The following PDE4D variants were observed in gnomAD, a reference collection of about 807,000 sequenced individuals.
The protein encoded by PDE4D is phosphodiesterase 4D.
PDE4D carries 24 observed loss-of-function variants against 87.4 expected under a neutral mutation model. The observed-to-expected ratio is 0.27, with a 90% CI of 0.20 to 0.39. The LOEUF (loss-of-function observed/expected upper bound fraction) is 0.39. Among genes scored for constraint, PDE4D ranks in the 10% least tolerant of loss-of-function variants. The pLI, the probability that PDE4D is intolerant of heterozygous loss-of-function variation, is 1.00. For synonymous variants in PDE4D, 384 were observed against 383.2 expected, an observed-to-expected ratio of 1.00 and a Z score of -0.02; for missense variants, 714 against 1,041.0, an observed-to-expected ratio of 0.69 and a Z score of 4.32.
At chr5:59,739,842 T>C (rs1409257613) in intron 1 of PDE4D, among the ~76,000 whole-genome samples, 1 of 152,148 alleles carries the variant, frequency 6.6e-6, no homozygotes, top group Non-Finnish European at 1.5e-5. Flanking sequence ...AAGAGAATGG[T>C]TGAATAAAAG....
At chr5:59,573,639 A>C (rs1034713396) in intron 1 of PDE4D, among the ~76,000 whole-genome samples, 10 of 152,038 alleles carry the variant, frequency 6.6e-5, no homozygotes, top group African/African-American at 2.4e-4. Context: ...CCCTTAGAGC[A>C]CTTGAGCACC....
chr5:59,340,699 G>T (rs917374941), intron 1 of PDE4D, among the ~76,000 whole-genome samples: 12 of 151,748 alleles, frequency 7.9e-5, no homozygotes, highest in African/African-American at 2.9e-4. Context: ...ACCCTTCCTA[G>T]GTTCTGATAA....
chr5:59,540,477 G>A (rs747626739), intron 1 of PDE4D, among the ~76,000 whole-genome samples: 5 of 152,102 alleles, frequency 3.3e-5, no homozygotes, highest in Non-Finnish European at 5.9e-5. Context: ...AGCAAAACAT[G>A]TTTTGCCTCA....
At chr5:60,007,726 G>T (rs1418046159) in intron 2 of PDE4D, among the ~76,000 whole-genome samples, 3 of 151,866 alleles carry the variant, frequency 2.0e-5, no homozygotes, top group Admixed American at 6.6e-5. Flanking sequence ...TACTTATATT[G>T]TTAATTACTT....
At chr5:60,202,405 A>C (rs1265990181) in intron 1 of PDE4D, among the ~76,000 whole-genome samples, 1 of 152,128 alleles carries the variant, frequency 6.6e-6, no homozygotes, top group Non-Finnish European at 1.5e-5. Context: ...GGGCTCAAGT[A>C]ATCTGCCTGC....
chr5:59,275,051 G>A (rs775987824), intron 1 of PDE4D, among the ~76,000 whole-genome samples: 3 of 151,950 alleles, frequency 2.0e-5, no homozygotes, highest in African/African-American at 4.8e-5. Flanking sequence ...ATCAAACACT[G>A]AAAAATGACA....
At chr5:60,258,964 CT>C (rs779418750) in intron 1 of PDE4D, among the ~76,000 whole-genome samples, 8 of 151,922 alleles carry the variant, frequency 5.3e-5, no homozygotes, top group Non-Finnish European at 5.9e-5. Flanking sequence ...AACCTGAAGT[CT>C]TAACAATGGC....
intron 1 of PDE4D, among the ~76,000 whole-genome samples, chr5:60,349,398 T>C (rs940055898): frequency 6.6e-6 from 1 of 152,184 alleles, no homozygotes; most frequent in Non-Finnish European, 1.5e-5. Flanking sequence ...GAAAATCAAA[T>C]AGAGACTGAG....
chr5:59,408,630 C>T (rs931477645), intron 1 of PDE4D, among the ~76,000 whole-genome samples: 1 of 152,234 alleles, frequency 6.6e-6, no homozygotes, highest in Non-Finnish European at 1.5e-5. Flanking sequence ...AGGCACTCAA[C>T]TCCAACCCAT....
intron 2 of PDE4D, among the ~76,000 whole-genome samples, chr5:60,013,437 C>T (rs1371998363): frequency 1.3e-5 from 2 of 152,068 alleles, no homozygotes; most frequent in Admixed American, 1.3e-4. Context: ...AACATAGTAG[C>T]CATTGTTAAG....
intron 1 of PDE4D, among the ~76,000 whole-genome samples, chr5:60,356,094 G>GA (rs925119959): frequency 1.8e-4 from 27 of 152,082 alleles, no homozygotes; most frequent in Non-Finnish European, 3.7e-4. Context: ...CCAAGAGAGT[G>GA]AAAAAAACTG....
intron 1 of PDE4D, among the ~76,000 whole-genome samples, chr5:60,326,782 T>C (rs1423512712): frequency 2.0e-5 from 3 of 152,162 alleles, no homozygotes; most frequent in Admixed American, 6.5e-5. Context: ...CCATCAGTTA[T>C]ACCTTACTTC....
In PDE4D at chr5:60,263,791, G is replaced by A. The variant is rs891677541; in HGVS notation, c.-89-78104C>T. On this transcript the variant is annotated intron_variant, in intron 1 of 16. Coordinates refer to the PDE4D transcript ENST00000502484. ...GAAAAATAAACACCTATTATGAGCA[G>A]AGCACTGTATAAGGCACCCTGGAAA... Among the ~76,000 whole-genome samples the A allele has an allele frequency of 3.9e-5, 6 of 152,188 alleles. No individual in the cohort carries two copies. In the East Asian group the frequency reaches 9.7e-4, roughly 25 times the overall value.
At position 58,977,390 on chromosome 5, in the gene PDE4D, A is replaced by G. The variant is rs373982076; in HGVS notation, c.1553-45T>C. On this transcript the variant is annotated intron_variant, in intron 11 of 14. Transcript: ENST00000340635. The stretch of plus-strand genomic sequence containing the variant: ...CCAAAGATCAGCAAAACTGTTTGTG[A>G]GAAGTTTATCTGATTCTTAAAATTC... 2.2e-5 allele frequency: 35 copies of G among 1,569,202 alleles called. No individual in the cohort carries two copies. The African/African-American group carries it at 4.7e-4, about 21-fold the overall frequency.
At chr5:60,444,046 C>G (rs530199737) in intron 1 of PDE4D, among the ~76,000 whole-genome samples, 22 of 150,576 alleles carry the variant, frequency 1.5e-4, no homozygotes, top group African/African-American at 5.4e-4. Context: ...TGTTAGGACT[C>G]TGGTAGCTCA....
At chr5:59,788,879 A>C (rs1215479642) in intron 1 of PDE4D, among the ~76,000 whole-genome samples, 1 of 152,272 alleles carries the variant, frequency 6.6e-6, no homozygotes, top group Non-Finnish European at 1.5e-5. Flanking sequence ...AAGTTCACTT[A>C]TCAAAAGCTT....
chr5:60,000,231 T>C (rs1392693804), intron 2 of PDE4D, among the ~76,000 whole-genome samples: 1 of 151,816 alleles, frequency 6.6e-6, no homozygotes, highest in East Asian at 1.9e-4. Context: ...ACAACCAAAT[T>C]CAAGACACTG....
chr5:59,377,417 C>CAAAAA (rs375685104), intron 1 of PDE4D, among the ~76,000 whole-genome samples: 1 of 97,536 alleles, frequency 1.0e-5, no homozygotes, highest in Admixed American at 1.1e-4. Flanking sequence ...ACACCCATCT[C>CAAAAA]AAAAAAAAAA....
At chr5:60,282,504 T>C in intron 1 of PDE4D, among the ~76,000 whole-genome samples, 1 of 151,954 alleles carries the variant, frequency 6.6e-6, no homozygotes, top group East Asian at 1.9e-4. Context: ...CCACATGGAG[T>C]CCATCATCAT....
Sources: gnomAD v4.1 joint callset for allele counts (sites outside exome capture counted in the v4.1 genomes callset) on GRCh38, gnomAD v4.1.1 for gene constraint, MANE v1.5 for transcripts, NCBI Gene and HGNC (gene_info 2026-07-23, HGNC 2026-07-21) for gene names.